Variants in GABRB2 observed in about 807,000 individuals in gnomAD.
GABRB2 encodes gamma-aminobutyric acid type A receptor subunit beta2.
GABRB2 carries 16 observed loss-of-function variants against 54.7 expected under a neutral mutation model. That is an observed-to-expected ratio of 0.29 (90% CI 0.20 to 0.44). The LOEUF (loss-of-function observed/expected upper bound fraction) is 0.44. Ranked by LOEUF, GABRB2 falls within the 20% of genes least tolerant of loss-of-function variation. The probability of loss-of-function intolerance (pLI) is 1.00; values close to 1 mark genes in which losing one functional copy is unlikely to be tolerated. For missense variants in GABRB2, 355 were observed against 644.0 expected (o/e 0.55, Z 4.86); for synonymous variants, 244 against 233.8 (o/e 1.04, Z -0.40).
intron 3 of GABRB2, among the ~76,000 whole-genome samples, chr5:161,505,126 T>G (rs1377965968): frequency 4.0e-5 from 6 of 149,236 alleles, no homozygotes; most frequent in Admixed American, 6.7e-5. Context: ...TTTTTTTTTG[T>G]TTGTTTGTTT....
chr5:161,501,507 A>G (rs1270297255), intron 3 of GABRB2, among the ~76,000 whole-genome samples: 3 of 152,266 alleles, frequency 2.0e-5, no homozygotes, highest in Non-Finnish European at 1.5e-5. Flanking sequence ...TGACCTAATT[A>G]TGCTTTCATT....
intron 5 of GABRB2, among the ~76,000 whole-genome samples, chr5:161,404,668 A>G (rs967521595): frequency 6.6e-6 from 1 of 152,154 alleles, no homozygotes; most frequent in African/African-American, 2.4e-5. Context: ...CTGAGAGAAG[A>G]AAGATTGCTA....
At chr5:161,509,816 A>C (rs899910886) in intron 3 of GABRB2, among the ~76,000 whole-genome samples, 2 of 151,976 alleles carry the variant, frequency 1.3e-5, no homozygotes, top group African/African-American at 4.8e-5. Context: ...AAAGGCCACT[A>C]TCATCTCTGC....
rs1332345707 is a variant in GABRB2, at chr5:161,433,844, T to C, written c.459-22787A>G. Among the ~76,000 whole-genome samples, 4 of 152,134 alleles carry C rather than the reference T, an allele frequency of 2.6e-5. No individual in the cohort carries two copies. The East Asian group carries it at 7.7e-4, about 29-fold the overall frequency. ...ATATTCAATATTGAAAAATAATTTA[T>C]AAAGTAATTATCTTCCTATGTTTCT... On this transcript the variant is annotated intron_variant, in intron 4 of 9. Coordinates refer to ENST00000393959, the MANE Select transcript of GABRB2 (RefSeq NM_001371727.1).
intron 4 of GABRB2, among the ~76,000 whole-genome samples, chr5:161,453,700 TTCTTTGGTCA>T: frequency 6.6e-6 from 1 of 152,274 alleles, no homozygotes; most frequent in Non-Finnish European, 1.5e-5. Context: ...ACTTTCAATA[TTCTTTGGTCA>T]CAAACTGCAA....
intron 5 of GABRB2, among the ~76,000 whole-genome samples, chr5:161,363,977 A>G (rs1754899649): frequency 6.6e-6 from 1 of 152,216 alleles, no homozygotes; most frequent in African/African-American, 2.4e-5. Flanking sequence ...TGTTTTCGTA[A>G]GATTCATTTT....
intron 5 of GABRB2, among the ~76,000 whole-genome samples, chr5:161,337,477 G>A (rs1237322412): frequency 6.6e-6 from 1 of 152,102 alleles, no homozygotes; most frequent in Non-Finnish European, 1.5e-5. Flanking sequence ...CACTGGACAT[G>A]CACAGTGCAT....
chr5:161,326,939 C>A (rs1758382280), intron 8 of GABRB2: 6 of 954,390 alleles, frequency 6.3e-6, no homozygotes, highest in Non-Finnish European at 7.5e-6. Context: ...GAAAAATAAA[C>A]AAGGAAACAA....
At chr5:161,511,455 G>A (rs1408473086) in intron 3 of GABRB2, among the ~76,000 whole-genome samples, 2 of 151,884 alleles carry the variant, frequency 1.3e-5, no homozygotes, top group African/African-American at 2.4e-5. Flanking sequence ...AACCAAACAA[G>A]GCTTGTTCAT....
At chr5:161,532,472 C>T (rs762714655) in intron 3 of GABRB2, among the ~76,000 whole-genome samples, 1 of 152,078 alleles carries the variant, frequency 6.6e-6, no homozygotes, top group Non-Finnish European at 1.5e-5. Context: ...CCTACTGACT[C>T]GGATTCTGGT....
Position 161,288,856 on chromosome 5 carries a change from T to G in GABRB2, c.*5225A>C, listed in dbSNP as rs1220867329. On this transcript the variant is annotated 3_prime_UTR_variant, in exon 10 of 10. Coordinates refer to ENST00000393959, the MANE Select transcript of GABRB2 (RefSeq NM_001371727.1). ...ATTTAAACACCCATGCAAAATAAAT[T>G]AAAAATGCTGTGAGGTTTAAATTAA... The G allele has an allele frequency of 6.6e-6, 1 of 152,128 alleles. No individual in the cohort carries two copies. Among genetic ancestry groups the G allele is most frequent in the African/African-American group, 2.4e-5 (1 of 41,418 alleles). 9.4% of individuals were successfully genotyped at this position (152,128 alleles called of 1,614,324 possible). A position where few individuals can be genotyped will look rare whatever the true frequency, so the allele number is the denominator to read the frequency against.
chr5:161,462,503 G>A (rs1419888660), intron 3 of GABRB2, among the ~76,000 whole-genome samples: 2 of 152,166 alleles, frequency 1.3e-5, no homozygotes, highest in Non-Finnish European at 2.9e-5. Flanking sequence ...CTCTACAAGA[G>A]GAGAAAGCTA....
chr5:161,539,385 C>G (rs923456714), intron 3 of GABRB2, among the ~76,000 whole-genome samples: 8 of 152,168 alleles, frequency 5.3e-5, no homozygotes, highest in Non-Finnish European at 7.4e-5. Context: ...TCTGACACCA[C>G]CAGTAGCTTC....
At chr5:161,432,129 G>A (rs1382262154) in intron 4 of GABRB2, among the ~76,000 whole-genome samples, 1 of 152,140 alleles carries the variant, frequency 6.6e-6, no homozygotes, top group Non-Finnish European at 1.5e-5. Flanking sequence ...AGAAGAATGT[G>A]GTTTCTGCAG....
At chr5:161,307,356 A>T (rs566312708) in intron 9 of GABRB2, among the ~76,000 whole-genome samples, 1 of 152,362 alleles carries the variant, frequency 6.6e-6, no homozygotes, top group African/African-American at 2.4e-5. Flanking sequence ...GGCAAGGCAC[A>T]TATTTGGTAA....
At chr5:161,447,694 A>T (rs1025187153) in intron 4 of GABRB2, among the ~76,000 whole-genome samples, 1 of 152,204 alleles carries the variant, frequency 6.6e-6, no homozygotes, top group Non-Finnish European at 1.5e-5. Flanking sequence ...ATAAGGAGAC[A>T]GGAATGAGGT....
At chr5:161,317,320 A>G (rs1299349722) in intron 9 of GABRB2, among the ~76,000 whole-genome samples, 1 of 152,196 alleles carries the variant, frequency 6.6e-6, no homozygotes, top group Non-Finnish European at 1.5e-5. Context: ...AAATGAAACA[A>G]AAACAAAAAC....
At chr5:161,353,523 A>G (rs927971991) in intron 5 of GABRB2, among the ~76,000 whole-genome samples, 1 of 152,020 alleles carries the variant, frequency 6.6e-6, no homozygotes, top group Non-Finnish European at 1.5e-5. Context: ...AAGCAAGCTC[A>G]TAATTTCAAG....
In GABRB2 at chr5:161,502,982, T is replaced by C. The variant is rs977065223; in HGVS notation, c.237+42245A>G. On this transcript the variant is annotated intron_variant, in intron 3 of 9. Transcript: ENST00000393959. ...AGCTGACTGGGAATTACACAGGTCA[T>C]ACAGTATTTGCAGACACTGGACTTC... is the stretch of plus-strand genomic sequence containing the variant. 2.0e-5 allele frequency among the ~76,000 whole-genome samples: 3 copies of C among 152,134 alleles called. No individual in the cohort carries two copies. In the East Asian group the frequency reaches 5.8e-4, roughly 29 times the overall value.
Sources: allele counts gnomAD v4.1 joint callset (sites outside exome capture counted in the v4.1 genomes callset), GRCh38; gene constraint gnomAD v4.1.1; transcripts MANE v1.5; gene names NCBI Gene and HGNC (gene_info 2026-07-23, HGNC 2026-07-21).